NEGR1: variants seen among roughly 807,000 people sequenced by gnomAD.
NEGR1 encodes neuronal growth regulator 1.
A neutral mutation model predicts 40.9 loss-of-function variants in NEGR1; 10 were observed. The ratio of observed to expected loss-of-function variants is 0.24; its 90% CI spans 0.15 to 0.42. The LOEUF (loss-of-function observed/expected upper bound fraction) is 0.42, where lower values mean the gene tolerates loss of function less well. Among genes scored for constraint, NEGR1 ranks in the 10% least tolerant of loss-of-function variants. The pLI, the probability that NEGR1 is intolerant of heterozygous loss-of-function variation, is 1.00. For missense variants in NEGR1, 352 were observed against 438.9 expected, an observed-to-expected ratio of 0.80 and a Z score of 1.77; for synonymous variants, 185 against 166.8, an observed-to-expected ratio of 1.11 and a Z score of -0.84.
chr1:71,977,958 G>C (rs1646321403), intron 1 of NEGR1, among the ~76,000 whole-genome samples: 1 of 152,106 alleles, frequency 6.6e-6, no homozygotes, highest in African/African-American at 2.4e-5. Flanking sequence ...TTCCAAGTAA[G>C]ATGGAACAAG....
At chr1:72,000,434 AT>A (rs1458143257) in intron 1 of NEGR1, among the ~76,000 whole-genome samples, 1 of 152,104 alleles carries the variant, frequency 6.6e-6, no homozygotes, top group African/African-American at 2.4e-5. Flanking sequence ...ATAAAAAAAA[AT>A]GTAGTGCAGT....
intron 1 of NEGR1, among the ~76,000 whole-genome samples, chr1:72,077,419 C>G (rs1274390031): frequency 6.6e-6 from 1 of 151,940 alleles, no homozygotes; most frequent in African/African-American, 2.4e-5. Flanking sequence ...AAACTTCTAC[C>G]AAAAGAAGTT....
chr1:71,603,719 T>G (rs1255541996), intron 5 of NEGR1, among the ~76,000 whole-genome samples: 1 of 152,058 alleles, frequency 6.6e-6, no homozygotes, highest in African/African-American at 2.4e-5. Context: ...CTAGTTGGAG[T>G]GTGAGAAAAA....
chr1:72,047,732 T>C (rs2100468705), intron 1 of NEGR1, among the ~76,000 whole-genome samples: 1 of 151,638 alleles, frequency 6.6e-6, no homozygotes, highest in Middle Eastern at 3.4e-3. Flanking sequence ...AGAAATTCAA[T>C]TTTTAAACTT....
At chr1:72,265,110 T>C (rs900779079) in intron 1 of NEGR1, among the ~76,000 whole-genome samples, 2 of 151,010 alleles carry the variant, frequency 1.3e-5, no homozygotes, top group African/African-American at 4.8e-5. Flanking sequence ...AATTTCTGTA[T>C]ACCTTACGTA....
At chr1:71,683,773 A>T (rs77005263) in intron 4 of NEGR1, among the ~76,000 whole-genome samples, 4 of 144,292 alleles carry the variant, frequency 2.8e-5, no homozygotes, top group African/African-American at 5.1e-5. Context: ...GTTACTTAGG[A>T]TTTTTTTTTT....
At chr1:71,461,471 A>T (rs1319157971) in intron 6 of NEGR1, 1 of 152,224 alleles carries the variant, frequency 6.6e-6, no homozygotes, top group Non-Finnish European at 1.5e-5. Flanking sequence ...ATAAAGCCTG[A>T]ATGCATAATC....
chr1:72,120,688 G>C (rs1006128432), intron 1 of NEGR1, among the ~76,000 whole-genome samples: 1 of 151,704 alleles, frequency 6.6e-6, no homozygotes, highest in Non-Finnish European at 1.5e-5. Context: ...AGTCCCCAGA[G>C]TGTGATATTC....
intron 6 of NEGR1, among the ~76,000 whole-genome samples, chr1:71,511,975 T>G (rs1224757761): frequency 6.6e-6 from 1 of 152,294 alleles, no homozygotes; most frequent in South Asian, 2.1e-4. Flanking sequence ...TTCTGAAAAC[T>G]TAGGCAGATT....
intron 1 of NEGR1, among the ~76,000 whole-genome samples, chr1:71,966,659 G>A (rs1411530987): frequency 3.9e-5 from 6 of 152,096 alleles, no homozygotes; most frequent in Admixed American, 2.6e-4. Flanking sequence ...GTGCATAGAA[G>A]ATCTCAAACT....
intron 6 of NEGR1, among the ~76,000 whole-genome samples, chr1:71,445,120 C>CA (rs1455713686): frequency 6.6e-6 from 1 of 152,102 alleles, no homozygotes; most frequent in East Asian, 1.9e-4. Flanking sequence ...CTGGAAATGA[C>CA]AAAGCAGTAA....
chr1:71,510,129 G>T (rs1647062957), intron 6 of NEGR1, among the ~76,000 whole-genome samples: 1 of 152,144 alleles, frequency 6.6e-6, no homozygotes, highest in Non-Finnish European at 1.5e-5. Context: ...AGGAATGGTG[G>T]CTTCAATCCT....
chr1:72,021,074 C>T (rs924769231), intron 1 of NEGR1, among the ~76,000 whole-genome samples: 1 of 152,194 alleles, frequency 6.6e-6, no homozygotes, highest in Middle Eastern at 3.4e-3. Context: ...TGACAAATTT[C>T]ATAATGACCA....
chr1:71,589,840 C>G (rs1038144340), intron 6 of NEGR1, among the ~76,000 whole-genome samples: 17 of 152,070 alleles, frequency 1.1e-4, no homozygotes, highest in African/African-American at 4.1e-4. Context: ...TTGTATCATT[C>G]CCTTGTTAAA....
At chr1:71,928,039 C>CACACAT (rs1645794656) in intron 2 of NEGR1, among the ~76,000 whole-genome samples, 1 of 120,014 alleles carries the variant, frequency 8.3e-6, no homozygotes, top group Non-Finnish European at 1.7e-5. Flanking sequence ...CACACACACA[C>CACACAT]ACACACACAC....
chr1:72,119,909 G>T (rs1321488285), intron 1 of NEGR1, among the ~76,000 whole-genome samples: 1 of 151,902 alleles, frequency 6.6e-6, no homozygotes, highest in African/African-American at 2.4e-5. Flanking sequence ...GAAATGTCTG[G>T]TTATGCTGGA....
intron 2 of NEGR1, among the ~76,000 whole-genome samples, chr1:71,853,392 C>T (rs1363124601): frequency 6.6e-6 from 1 of 151,970 alleles, no homozygotes; most frequent in Non-Finnish European, 1.5e-5. Context: ...TGTGACATTG[C>T]TTAATAATTA....
chr1:72,076,896 T>TTTTC (rs1213293835), intron 1 of NEGR1, among the ~76,000 whole-genome samples: 1 of 145,792 alleles, frequency 6.9e-6, no homozygotes, highest in African/African-American at 2.6e-5. Context: ...TATCCTTTTT[T>TTTTC]TTTTTTTTTT....
intron 1 of NEGR1, among the ~76,000 whole-genome samples, chr1:72,080,886 C>T (rs1647968271): frequency 6.6e-6 from 1 of 152,058 alleles, no homozygotes; most frequent in African/African-American, 2.4e-5. Flanking sequence ...CAGCACATGA[C>T]TTGGTAGGCT....
Sources: gnomAD v4.1 joint callset for allele counts (sites outside exome capture counted in the v4.1 genomes callset) on GRCh38, gnomAD v4.1.1 for gene constraint, MANE v1.5 for transcripts, NCBI Gene and HGNC (gene_info 2026-07-23, HGNC 2026-07-21) for gene names.